GABBR2: variants seen among roughly 807,000 people sequenced by gnomAD.
GABBR2 encodes G-protein coupled receptor 51.
In GABBR2, 23 loss-of-function variants were observed where a neutral mutation model predicts 105.6. The ratio of observed to expected loss-of-function variants is 0.22; its 90% CI spans 0.16 to 0.31. GABBR2 has a LOEUF of 0.31. GABBR2 is among the 10% of genes least tolerant of loss of function. GABBR2 has a pLI of 1.00. For synonymous variants in GABBR2, 478 were observed against 499.7 expected (o/e 0.96, Z 0.58); for missense variants, 734 against 1,245.5 (o/e 0.59, Z 6.18).
In GABBR2 at chr9:98,288,204, A is replaced by T. The variant is rs1830229290; in HGVS notation, c.*2380T>A. 6.6e-6 allele frequency: 1 copy of T among 152,670 alleles called. No individual in the cohort carries two copies. The highest frequency in any genetic ancestry group is 2.1e-4 in the South Asian group (1 of 4,834). 9.5% of individuals were successfully genotyped at this position (152,670 alleles called of 1,614,324 possible). ...ATTTACATTTGATTCTGGCAGTTCCAGTCTAATTTAAAGCGTTTTGTGCAC... is the reference window on the plus strand; with the variant it reads ...ATTTACATTTGATTCTGGCAGTTCCTGTCTAATTTAAAGCGTTTTGTGCAC... On this transcript the variant is annotated 3_prime_UTR_variant, in exon 19 of 19. Transcript: ENST00000259455.
At chr9:98,617,241 G>A (rs1381191922) in intron 1 of GABBR2, among the ~76,000 whole-genome samples, 1 of 152,212 alleles carries the variant, frequency 6.6e-6, no homozygotes, top group Non-Finnish European at 1.5e-5. Flanking sequence ...CCGGCTCTGG[G>A]TTGGGTGCTC....
At chr9:98,354,797 GCTTT>G (rs1218799363) in intron 13 of GABBR2, among the ~76,000 whole-genome samples, 3 of 152,110 alleles carry the variant, frequency 2.0e-5, no homozygotes, top group African/African-American at 7.2e-5. Flanking sequence ...AGGCTGTTTT[GCTTT>G]CTTATCATTC....
At chr9:98,611,720 G>C (rs1829509859) in intron 1 of GABBR2, among the ~76,000 whole-genome samples, 1 of 152,204 alleles carries the variant, frequency 6.6e-6, no homozygotes, top group African/African-American at 2.4e-5. Flanking sequence ...ATTCTGGGTA[G>C]GTTCCCCAGC....
At chr9:98,703,607 C>A (rs1830859359) in intron 1 of GABBR2, among the ~76,000 whole-genome samples, 1 of 152,130 alleles carries the variant, frequency 6.6e-6, no homozygotes, top group Admixed American at 6.5e-5. Flanking sequence ...ATCCTCCTGC[C>A]TCAACCTCCC....
At chr9:98,305,626 G>A (rs146002057) in intron 15 of GABBR2, among the ~76,000 whole-genome samples, 2,594 of 152,270 alleles carry the variant, frequency 0.017, 74 homozygotes, top group African/African-American at 0.059. Context: ...ACCAGCTTGG[G>A]CAACATAGGG....
At chr9:98,377,916 C>G (rs73494884) in intron 11 of GABBR2, among the ~76,000 whole-genome samples, 6,318 of 152,234 alleles carry the variant, frequency 0.042, 472 homozygotes, top group African/African-American at 0.14. Flanking sequence ...AGGCCACCAC[C>G]AAACCCTGTG....
At chr9:98,340,736 A>G (rs500263) in intron 13 of GABBR2, among the ~76,000 whole-genome samples, 309 of 152,366 alleles carry the variant, frequency 2.0e-3, no homozygotes, top group Non-Finnish European at 3.3e-3. Flanking sequence ...TGAACCATTT[A>G]CCAAGAGGTA....
chr9:98,664,158 G>C (rs576593647), intron 1 of GABBR2, among the ~76,000 whole-genome samples: 1 of 152,192 alleles, frequency 6.6e-6, no homozygotes, highest in African/African-American at 2.4e-5. Context: ...AGTTGAGCAA[G>C]GCCGAGCAGA....
intron 7 of GABBR2, among the ~76,000 whole-genome samples, chr9:98,412,870 G>A (rs1425662225): frequency 6.6e-6 from 1 of 152,206 alleles, no homozygotes; most frequent in East Asian, 1.9e-4. Context: ...AGACAGACAG[G>A]CCTTGCTGGG....
At chr9:98,455,598 C>T (rs1400416103) in intron 6 of GABBR2, among the ~76,000 whole-genome samples, 7 of 152,246 alleles carry the variant, frequency 4.6e-5, no homozygotes, top group African/African-American at 1.7e-4. Context: ...AGACTACCTT[C>T]CCATTTCATC....
At position 98,388,662 on chromosome 9, in the gene GABBR2, C is replaced by T. The variant is rs867186551; in HGVS notation, c.1529+192G>A. ...GTGTGTGTGTGTGTGTGTGTGTGTGCGTGCACGCACACACACGTACTCACA... is the reference window on the plus strand; with the variant it reads ...GTGTGTGTGTGTGTGTGTGTGTGTGTGTGCACGCACACACACGTACTCACA... On this transcript the variant is annotated intron_variant, in intron 10 of 18. Coordinates refer to ENST00000259455, the MANE Select transcript of GABBR2 (RefSeq NM_005458.8). The surrounding 1 kb of genome is among the most constrained non-coding windows in gnomAD (Gnocchi z 4.4). 8.2e-4 allele frequency among the ~76,000 whole-genome samples: 109 copies of T among 132,538 alleles called. No homozygotes were observed. The highest frequency in any genetic ancestry group is 3.7e-3 in the Middle Eastern group (1 of 272). The allele number at this position is 132,538 out of a possible 152,430, so 87.0% of individuals were successfully genotyped here. A position where few individuals can be genotyped will look rare whatever the true frequency, so the allele number is the denominator to read the frequency against.
intron 13 of GABBR2, among the ~76,000 whole-genome samples, chr9:98,322,839 C>T (rs988421786): frequency 1.3e-5 from 2 of 152,052 alleles, no homozygotes; most frequent in East Asian, 1.9e-4. Flanking sequence ...CTGTCTTTTT[C>T]GGGAGGACTT....
intron 1 of GABBR2, among the ~76,000 whole-genome samples, chr9:98,657,099 C>G (rs866114654): frequency 2.6e-5 from 4 of 152,222 alleles, no homozygotes; most frequent in Non-Finnish European, 4.4e-5. Flanking sequence ...AACTGGGCCA[C>G]GTTTACCTGT....
intron 13 of GABBR2, among the ~76,000 whole-genome samples, chr9:98,323,354 A>G (rs1050551953): frequency 6.6e-6 from 1 of 152,208 alleles, no homozygotes; most frequent in African/African-American, 2.4e-5. Context: ...GTGTGCTGTG[A>G]TGTGAAAGAG....
intron 13 of GABBR2, among the ~76,000 whole-genome samples, chr9:98,325,765 G>A (rs72759628): frequency 0.036 from 5,458 of 152,290 alleles, 123 homozygotes; most frequent in Middle Eastern, 0.054. Flanking sequence ...ACCACAGCAT[G>A]GAGCTTGGCA....
chr9:98,316,811 GTTATAC>G (rs1830727237), intron 13 of GABBR2, among the ~76,000 whole-genome samples: 2 of 152,184 alleles, frequency 1.3e-5, no homozygotes, highest in African/African-American at 4.8e-5. Flanking sequence ...CCAACAAGGT[GTTATAC>G]TTATTTCACA....
intron 7 of GABBR2, among the ~76,000 whole-genome samples, chr9:98,431,757 G>A (rs898406613): frequency 4.6e-5 from 7 of 151,964 alleles, no homozygotes; most frequent in Admixed American, 3.9e-4. Flanking sequence ...ATGCAGTGGT[G>A]CAATCTCATC....
At chr9:98,589,642 G>A (rs1040085691) in intron 1 of GABBR2, among the ~76,000 whole-genome samples, 1 of 151,400 alleles carries the variant, frequency 6.6e-6, no homozygotes, top group Non-Finnish European at 1.5e-5. Flanking sequence ...TATCATTCAA[G>A]ACACTTACGT....
intron 7 of GABBR2, among the ~76,000 whole-genome samples, chr9:98,425,526 A>G (rs1284486096): frequency 6.6e-6 from 1 of 152,216 alleles, no homozygotes; most frequent in Non-Finnish European, 1.5e-5. Flanking sequence ...TAGGTATAAC[A>G]CGCAGAGCAA....
Sources: allele counts gnomAD v4.1 joint callset (sites outside exome capture counted in the v4.1 genomes callset), GRCh38; gene constraint gnomAD v4.1.1; non-coding constraint Gnocchi (gnomAD v3.1); transcripts MANE v1.5; gene names NCBI Gene and HGNC (gene_info 2026-07-23, HGNC 2026-07-21).